FAM83B: variants seen among roughly 807,000 people sequenced by gnomAD.
FAM83B encodes protein FAM83B.
FAM83B carries 26 observed loss-of-function variants against 38.8 expected under a neutral mutation model. The ratio of observed to expected loss-of-function variants is 0.67; its 90% CI spans 0.49 to 0.93. The LOEUF is 0.93. FAM83B is among the 40% of genes least tolerant of loss of function. FAM83B has a pLI of 0.00. For synonymous variants in FAM83B, 419 were observed against 423.1 expected (o/e 0.99, Z 0.12); for missense variants, 1,237 against 1,197.3 (o/e 1.03, Z -0.49).
upstream of FAM83B, among the ~76,000 whole-genome samples, chr6:54,846,391 C>T (rs1424609467): frequency 6.6e-6 from 1 of 152,176 alleles, no homozygotes; most frequent in African/African-American, 2.4e-5. Flanking sequence ...GGCCTAGATC[C>T]GCCTTCTTCC....
At chr6:54,890,735 A>T (rs555608052) in intron 2 of FAM83B, among the ~76,000 whole-genome samples, 2 of 152,212 alleles carry the variant, frequency 1.3e-5, no homozygotes, top group African/African-American at 4.8e-5. Flanking sequence ...CAATTTATGT[A>T]ATCAGTGAGA....
At chr6:54,862,873 C>T (rs576004835) in intron 1 of FAM83B, among the ~76,000 whole-genome samples, 13 of 151,636 alleles carry the variant, frequency 8.6e-5, no homozygotes, top group East Asian at 1.9e-4. Flanking sequence ...GCAAAAACCC[C>T]CCCCCAAAAA....
At chr6:54,878,516 AAAG>A (rs1231487672) in intron 2 of FAM83B, among the ~76,000 whole-genome samples, 1 of 152,172 alleles carries the variant, frequency 6.6e-6, no homozygotes, top group East Asian at 1.9e-4. Context: ...AGATTTGAGA[AAAG>A]AAGGAATAAG....
intron 2 of FAM83B, among the ~76,000 whole-genome samples, chr6:54,903,041 A>G (rs1310133404): frequency 2.0e-5 from 3 of 152,212 alleles, no homozygotes; most frequent in Non-Finnish European, 2.9e-5. Flanking sequence ...AGAAAATAAT[A>G]AAAATAACCT....
intron 2 of FAM83B, among the ~76,000 whole-genome samples, chr6:54,877,534 T>A (rs1170733196): frequency 6.6e-6 from 1 of 152,242 alleles, no homozygotes; most frequent in African/African-American, 2.4e-5. Flanking sequence ...ACTCTTCAAA[T>A]TATCTTGTAA....
At chr6:54,892,822 T>C (rs1294388358) in intron 2 of FAM83B, among the ~76,000 whole-genome samples, 1 of 152,068 alleles carries the variant, frequency 6.6e-6, no homozygotes, top group Non-Finnish European at 1.5e-5. Flanking sequence ...GAGCCAATTG[T>C]CTCCCTCTTA....
rs189276837 is a variant in FAM83B, at chr6:54,911,394, G to T, written c.445-14977G>T. On this transcript the variant is annotated intron_variant, in intron 2 of 4. Coordinates refer to ENST00000306858, the MANE Select transcript of FAM83B (RefSeq NM_001010872.3). ...CTTTTAGCTGGATAATTAGTGATAA[G>T]ATTACCTCAGGAAGTGGGGTTAGGA... is the stretch of plus-strand genomic sequence containing the variant. 7.6e-4 allele frequency among the ~76,000 whole-genome samples: 116 copies of T among 151,946 alleles called. 1 individual carries two copies. The East Asian group carries it at 0.02, about 26-fold the overall frequency.
chr6:54,943,739 G>T lies in FAM83B; in HGVS notation c.*1732G>T, dbSNP rs964481341. On this transcript the variant is annotated 3_prime_UTR_variant, in exon 5 of 5. Transcript: ENST00000306858. The stretch of plus-strand genomic sequence containing the variant: ...TATTACCCATTCTTTGTTAGTATTG[G>T]ATAGGGAATTAGGATAATGAGCCAT... 2 of 152,116 alleles carry T rather than the reference G, an allele frequency of 1.3e-5. No individual in the cohort carries two copies. Among genetic ancestry groups the T allele is most frequent in the African/African-American group, 4.8e-5 (2 of 41,402 alleles). 9.4% of individuals were successfully genotyped at this position (152,116 alleles called of 1,614,324 possible).
At chr6:54,847,937 G>A (rs1334234894) in intron 1 of FAM83B, among the ~76,000 whole-genome samples, 3 of 152,118 alleles carry the variant, frequency 2.0e-5, no homozygotes, top group African/African-American at 7.2e-5. Flanking sequence ...CATCTTGCTA[G>A]GTTACTGGCA....
At chr6:54,847,504 ACC>A (rs1771169493) in intron 1 of FAM83B, among the ~76,000 whole-genome samples, 2 of 152,058 alleles carry the variant, frequency 1.3e-5, no homozygotes, top group African/African-American at 4.8e-5. Context: ...GCCTGTACCT[ACC>A]AAAGTTTGAG....
chr6:54,897,227 T>TA (rs368282962), intron 2 of FAM83B, among the ~76,000 whole-genome samples: 127 of 143,984 alleles, frequency 8.8e-4, no homozygotes, highest in Admixed American at 1.3e-3. Flanking sequence ...TGTTGTGATC[T>TA]AAAAAAAAAA....
intron 4 of FAM83B, among the ~76,000 whole-genome samples, chr6:54,937,538 A>G (rs12662124): frequency 0.31 from 46,616 of 151,966 alleles, 8,763 homozygotes; most frequent in East Asian, 0.8. Context: ...ATCCTAAATT[A>G]CACTTATTGA....
At chr6:54,881,619 T>G (rs1772133618) in intron 2 of FAM83B, among the ~76,000 whole-genome samples, 1 of 151,924 alleles carries the variant, frequency 6.6e-6, no homozygotes. Flanking sequence ...GAGCAGTTAC[T>G]GAAAAAAAAA....
intron 2 of FAM83B, among the ~76,000 whole-genome samples, chr6:54,911,248 A>G (rs1453889261): frequency 6.6e-6 from 1 of 151,382 alleles, no homozygotes; most frequent in Admixed American, 6.6e-5. Context: ...TTTGATACAG[A>G]TGTTAGAATT....
intron 1 of FAM83B, among the ~76,000 whole-genome samples, chr6:54,861,206 CTAAGA>C (rs934467052): frequency 2.6e-5 from 4 of 152,186 alleles, no homozygotes; most frequent in African/African-American, 9.6e-5. Flanking sequence ...CAAATCTTTC[CTAAGA>C]TGAGAGTTGA....
At chr6:54,880,173 T>C (rs983847094) in intron 2 of FAM83B, among the ~76,000 whole-genome samples, 2 of 152,220 alleles carry the variant, frequency 1.3e-5, no homozygotes, top group African/African-American at 4.8e-5. Flanking sequence ...CTTCAAGTGA[T>C]TTAAAGTCTA....
intron 1 of FAM83B, among the ~76,000 whole-genome samples, chr6:54,857,854 C>T (rs1771478439): frequency 6.6e-6 from 1 of 151,756 alleles, no homozygotes; most frequent in Non-Finnish European, 1.5e-5. Flanking sequence ...GTCGGGAAGA[C>T]CTCTCAGAGA....
intron 1 of FAM83B, among the ~76,000 whole-genome samples, chr6:54,869,206 T>G (rs1487780479): frequency 6.6e-6 from 1 of 152,230 alleles, no homozygotes; most frequent in Non-Finnish European, 1.5e-5. Context: ...TTTCATCTCG[T>G]ATACTCTGTC....
chr6:54,931,851 G>T (rs1000665871), intron 4 of FAM83B, among the ~76,000 whole-genome samples: 6 of 151,454 alleles, frequency 4.0e-5, no homozygotes, highest in Non-Finnish European at 5.9e-5. Flanking sequence ...TTTTCCATAT[G>T]TCTTGTAACT....
Sources: allele counts gnomAD v4.1 joint callset (sites outside exome capture counted in the v4.1 genomes callset), GRCh38; gene constraint gnomAD v4.1.1; transcripts MANE v1.5; gene names NCBI Gene and HGNC (gene_info 2026-07-23, HGNC 2026-07-21).